SASH1: variants seen among roughly 807,000 people sequenced by gnomAD.
SASH1 encodes the protein SAM and SH3 domain containing 1.
In SASH1, 44 loss-of-function variants were observed where a neutral mutation model predicts 125.2. The ratio of observed to expected loss-of-function variants is 0.35; its 90% CI spans 0.28 to 0.45. The LOEUF is 0.45. Ranked by LOEUF, SASH1 falls within the 20% of genes least tolerant of loss-of-function variation. SASH1 has a pLI of 1.00. For synonymous variants in SASH1, 639 were observed against 649.1 expected (o/e 0.98, Z 0.24); for missense variants, 1,426 against 1,614.5 (o/e 0.88, Z 2.00).
chr6:148,298,401 A>G (rs965757363), intron 1 of SASH1, among the ~76,000 whole-genome samples: 11 of 151,586 alleles, frequency 7.3e-5, no homozygotes, highest in African/African-American at 2.4e-4. Context: ...AGGCTGAGGC[A>G]GGAGGATTGC....
At chr6:148,314,930 G>C (rs570969281) in intron 1 of SASH1, among the ~76,000 whole-genome samples, 16 of 152,136 alleles carry the variant, frequency 1.1e-4, no homozygotes, top group Admixed American at 5.9e-4. Context: ...CTAATTTTTT[G>C]TATTTTTAGT....
chr6:148,384,311 A>T (rs1463173892), intron 1 of SASH1, among the ~76,000 whole-genome samples: 2 of 152,220 alleles, frequency 1.3e-5, no homozygotes, highest in African/African-American at 4.8e-5. Context: ...GAGGGAAAAT[A>T]AGAAAGAAGT....
At chr6:148,509,161 T>C in intron 8 of SASH1, 1 of 339,506 alleles carries the variant, frequency 2.9e-6, no homozygotes, top group Non-Finnish European at 5.8e-6. Flanking sequence ...TGGAGGCTTT[T>C]CCTGGGGAGG....
chr6:148,314,480 G>A (rs1780426011), intron 1 of SASH1, among the ~76,000 whole-genome samples: 1 of 152,078 alleles, frequency 6.6e-6, no homozygotes, highest in South Asian at 2.1e-4. Context: ...AATTTATATG[G>A]TAATGAGGAA....
At chr6:148,432,022 G>T in intron 2 of SASH1, among the ~76,000 whole-genome samples, 1 of 150,322 alleles carries the variant, frequency 6.7e-6, no homozygotes, top group South Asian at 2.1e-4. Flanking sequence ...TGTTGCCCAG[G>T]TGGAGTGCAG....
chr6:148,409,710 C>T (rs972801672), intron 2 of SASH1, among the ~76,000 whole-genome samples: 5 of 152,104 alleles, frequency 3.3e-5, no homozygotes, highest in Non-Finnish European at 5.9e-5. Context: ...CCTAGGTGGG[C>T]GGATCATGAG....
At chr6:148,258,268 T>A in the SASH1 span, among the ~76,000 whole-genome samples, 1 of 152,200 alleles carries the variant, frequency 6.6e-6, no homozygotes, top group Non-Finnish European at 1.5e-5. Context: ...GATTGAGCCA[T>A]TTTCAAAACT....
At chr6:148,528,396 G>A (rs1466130102) in intron 12 of SASH1, among the ~76,000 whole-genome samples, 2 of 152,210 alleles carry the variant, frequency 1.3e-5, no homozygotes, top group East Asian at 1.9e-4. Context: ...TGTAGGTAAT[G>A]CACTTTATCT....
the SASH1 span, among the ~76,000 whole-genome samples, chr6:148,227,049 C>T: frequency 6.6e-6 from 1 of 152,120 alleles, no homozygotes; most frequent in South Asian, 2.1e-4. Context: ...GGGGAGGCAA[C>T]AATACCAAAC....
At chr6:148,302,611 C>T (rs1311495757) in intron 1 of SASH1, among the ~76,000 whole-genome samples, 1 of 135,112 alleles carries the variant, frequency 7.4e-6, no homozygotes, top group African/African-American at 2.7e-5. Flanking sequence ...CACACACACA[C>T]ACGCAGAAAT....
the SASH1 span, among the ~76,000 whole-genome samples, chr6:148,262,476 C>G: frequency 1.3e-5 from 2 of 152,128 alleles, no homozygotes; most frequent in African/African-American, 2.4e-5. Flanking sequence ...GTTGGCTTGA[C>G]AGTGTCAAGC....
intron 2 of SASH1, among the ~76,000 whole-genome samples, chr6:148,392,731 G>A (rs1056984710): frequency 2.0e-5 from 3 of 152,202 alleles, no homozygotes; most frequent in Admixed American, 1.3e-4. Context: ...AAAGTTGACT[G>A]AGGCTGAGAA....
At chr6:148,535,900 A>C (rs1781815194) in intron 16 of SASH1, among the ~76,000 whole-genome samples, 1 of 152,208 alleles carries the variant, frequency 6.6e-6, no homozygotes, top group African/African-American at 2.4e-5. Flanking sequence ...AGAATTATAC[A>C]TTACTGAAAT....
chr6:148,209,111 C>T, the SASH1 span, among the ~76,000 whole-genome samples: 8 of 152,224 alleles, frequency 5.3e-5, no homozygotes, highest in Non-Finnish European at 1.2e-4. Context: ...TATTGATACA[C>T]ATGCATATTT....
intron 1 of SASH1, among the ~76,000 whole-genome samples, chr6:148,363,085 C>T (rs1782303379): frequency 6.6e-6 from 1 of 152,110 alleles, no homozygotes; most frequent in South Asian, 2.1e-4. Flanking sequence ...GGGGCAGGGA[C>T]CCTGGCCAAG....
the SASH1 span, among the ~76,000 whole-genome samples, chr6:148,229,133 CAAAAAAAAAA>C: frequency 2.1e-3 from 129 of 60,974 alleles, 1 homozygote; most frequent in African/African-American, 7.0e-3. Flanking sequence ...GACTCCATCT[CAAAAAAAAAA>C]AAAAAAAAAA....
upstream of SASH1, among the ~76,000 whole-genome samples, chr6:148,342,436 G>C (rs552984711): frequency 6.6e-6 from 1 of 152,320 alleles, no homozygotes; most frequent in South Asian, 2.1e-4. Flanking sequence ...AAACTTGTGC[G>C]GGCCGGAGAC....
the SASH1 span, among the ~76,000 whole-genome samples, chr6:148,244,815 T>C: frequency 6.6e-6 from 1 of 152,110 alleles, no homozygotes; most frequent in Non-Finnish European, 1.5e-5. Context: ...CAGAGTGGAT[T>C]CTTGCTTTGC....
chr6:148,263,969 G>A, the SASH1 span, among the ~76,000 whole-genome samples: 2 of 152,102 alleles, frequency 1.3e-5, no homozygotes, highest in South Asian at 4.2e-4. Context: ...ACACTTGTAC[G>A]ACAATCATTT....
Sources: allele counts gnomAD v4.1 joint callset (sites outside exome capture counted in the v4.1 genomes callset), GRCh38; gene constraint gnomAD v4.1.1; transcripts MANE v1.5; gene names NCBI Gene and HGNC (gene_info 2026-07-23, HGNC 2026-07-21).